Variants in PCDHA9 observed in about 807,000 individuals in gnomAD.
The protein encoded by PCDHA9 is protocadherin alpha 9.
PCDHA9 carries 62 observed loss-of-function variants against 62.0 expected under a neutral mutation model. The observed-to-expected ratio is 1.00, with a 90% CI of 0.81 to 1.23. PCDHA9 has a LOEUF of 1.23. Among genes scored for constraint, PCDHA9 ranks in the 50% most tolerant of loss-of-function variants. The pLI is 0.00. For synonymous variants in PCDHA9, 557 were observed against 567.6 expected, an observed-to-expected ratio of 0.98 and a Z score of 0.27; for missense variants, 1,205 against 1,249.8, an observed-to-expected ratio of 0.96 and a Z score of 0.54.
rs1214693088 is a variant in PCDHA9, at chr5:140,904,196, C to T, written c.2394+53307C>T. Among the ~76,000 whole-genome samples the T allele has an allele frequency of 1.1e-4, 17 of 152,034 alleles. No homozygotes were observed. In the East Asian group the frequency reaches 3.3e-3, roughly 29 times the overall value. On this transcript the variant is annotated intron_variant, in intron 1 of 3. Transcript: ENST00000532602. ...TTCCTCACCCCCTTCCCACCCTTTC[C>T]CCCTAAGTCCCCAAAGTCCATTGTA... is the stretch of plus-strand genomic sequence containing the variant.
chr5:140,928,572 C>T, intron 1 of PCDHA9: 1 of 1,614,200 alleles, frequency 6.2e-7, no homozygotes, highest in Non-Finnish European at 8.5e-7. Flanking sequence ...TTCCCTTGCC[C>T]AGAAATGGTT....
chr5:140,892,534 T>C (rs1554185241), intron 1 of PCDHA9, among the ~76,000 whole-genome samples: 2 of 152,254 alleles, frequency 1.3e-5, no homozygotes, highest in African/African-American at 2.4e-5. Context: ...CTCAGGATTC[T>C]GACTTTTGTT....
At position 140,850,767 on chromosome 5, in the gene PCDHA9, G is replaced by A; in HGVS notation, c.2272G>A (p.Val758Met). 1.3e-6 allele frequency: 2 copies of A among 1,598,126 alleles called. No homozygotes were observed. The highest frequency in any genetic ancestry group is 1.7e-5 in the Admixed American group (1 of 59,258). The change falls in exon 1 of 4, where the codon GTG (valine) becomes ATG (methionine). Residue 758 changes from valine (V) to methionine (M), a missense_variant. This residue lies in a region of PCDHA9 where 887 missense variants were observed against 809.5 expected (regional missense o/e 1.10). Coordinates refer to ENST00000532602, the MANE Select transcript of PCDHA9 (RefSeq NM_031857.2). ...GTACTCGCAGCAGAGGAGGCAGAGG[G>A]TGTGCTCTGGCGAGGGTAAGCAGAA... ...WSYSQQRRQRVCSGEGKQKTD... is the reference protein window; with the variant it reads ...WSYSQQRRQRMCSGEGKQKTD...
chr5:140,908,919 G>A (rs781892541), intron 1 of PCDHA9, among the ~76,000 whole-genome samples: 1 of 152,158 alleles, frequency 6.6e-6, no homozygotes, highest in Non-Finnish European at 1.5e-5. Context: ...TGTAGGAGGG[G>A]CCAAATGCAG....
At chr5:140,854,746 A>G (rs1562496146) in intron 1 of PCDHA9, 1 of 149,836 alleles carries the variant, frequency 6.7e-6, no homozygotes, top group Non-Finnish European at 1.5e-5. Context: ...CAGCACAGAT[A>G]TATTACATTT....
At position 140,849,302 on chromosome 5, in the gene PCDHA9, A is replaced by T; in HGVS notation, c.807A>T (p.Leu269Phe). The T allele has an allele frequency of 2.3e-6, 3 of 1,281,278 alleles. No individual in the cohort carries two copies. Among genetic ancestry groups the T allele is most frequent in the Non-Finnish European group, 3.2e-6 (3 of 936,644 alleles). 79.4% of individuals were successfully genotyped at this position (1,281,278 alleles called of 1,614,324 possible). ...TGATTCACCCCAATGCCTCAGATTT[A>T]GACGAAGGCTTGAATGGGGATATTA... Reference protein sequence around the residue: ...TLVIHPNASDLDEGLNGDIIY... With the variant: ...TLVIHPNASDFDEGLNGDIIY... The change falls in exon 1 of 4, where the codon TTA becomes TTT. Residue 269 changes from leucine (L) to phenylalanine (F), a missense_variant. Physicochemically the swap from Leu to Phe is conservative, Grantham distance 22. Transcript: ENST00000532602.
In PCDHA9 at chr5:140,870,942, G is replaced by A. The variant is rs782286042; in HGVS notation, c.2394+20053G>A. ...GGCTTTCATATGAATTGCAGCCGGC[G>A]GCGGGCGGCTCGCGCATCCCGTTCC... On this transcript the variant is annotated intron_variant, in intron 1 of 3. Transcript: ENST00000532602. The A allele has an allele frequency of 5.0e-6, 8 of 1,613,740 alleles. No individual in the cohort carries two copies. The Admixed American group carries it at 6.7e-5, about 13-fold the overall frequency.
rs1554169144 is a variant in PCDHA9, at chr5:140,876,947, A to T, written c.2394+26058A>T. On this transcript the variant is annotated intron_variant, in intron 1 of 3. Transcript: ENST00000532602. ...GCGCAGAAGAACGCGCTGGTGTCCT[A>T]CTCGCTGGTGGAGCGGCGGGTGGGC... 1 of 1,613,496 alleles carries T rather than the reference A, an allele frequency of 6.2e-7. No homozygotes were observed. The highest frequency in any genetic ancestry group is 8.5e-7 in the Non-Finnish European group (1 of 1,179,858).
chr5:140,865,381 G>A (rs1260895548), intron 1 of PCDHA9: 3 of 152,122 alleles, frequency 2.0e-5, no homozygotes, highest in African/African-American at 7.2e-5. Context: ...TATAGGTAGG[G>A]TAAAGTTAAT....
intron 1 of PCDHA9, among the ~76,000 whole-genome samples, chr5:140,946,255 A>C (rs1554217419): frequency 6.6e-6 from 1 of 152,084 alleles, no homozygotes; most frequent in Non-Finnish European, 1.5e-5. Context: ...GAATCATCAG[A>C]AAAATGCGAA....
chr5:140,862,892 CTT>C (rs1554157185), intron 1 of PCDHA9: 2 of 562,274 alleles, frequency 3.6e-6, no homozygotes, highest in South Asian at 1.4e-5. Flanking sequence ...GGAACGACAA[CTT>C]TGTCTGCGCT....
At chr5:140,925,236 T>C (rs1398147161) in intron 1 of PCDHA9, among the ~76,000 whole-genome samples, 1 of 152,202 alleles carries the variant, frequency 6.6e-6, no homozygotes, top group African/African-American at 2.4e-5. Context: ...TACCAGAAAA[T>C]ATGTCCTGGA....
At chr5:140,854,315 C>A in intron 1 of PCDHA9, 1 of 280,416 alleles carries the variant, frequency 3.6e-6, no homozygotes, top group South Asian at 1.3e-4. Context: ...GATGATTGAT[C>A]AATGGCAAAC....
intron 3 of PCDHA9, among the ~76,000 whole-genome samples, chr5:141,002,832 C>T (rs147080489): frequency 1.2e-4 from 18 of 152,242 alleles, no homozygotes; most frequent in Admixed American, 2.6e-4. Context: ...GTAAATGGCC[C>T]AGGACTATGC....
intron 3 of PCDHA9, among the ~76,000 whole-genome samples, chr5:141,006,287 C>A (rs1407881243): frequency 6.6e-6 from 1 of 152,060 alleles, no homozygotes; most frequent in African/African-American, 2.4e-5. Flanking sequence ...TCTCAGCTCA[C>A]TGCAAGCTCC....
chr5:140,906,575 T>C (rs1443480852), intron 1 of PCDHA9, among the ~76,000 whole-genome samples: 1 of 152,242 alleles, frequency 6.6e-6, no homozygotes, highest in Non-Finnish European at 1.5e-5. Context: ...ATAGCTGGTA[T>C]TGATGACTAC....
At chr5:140,875,597 G>T in intron 1 of PCDHA9, 1 of 1,613,960 alleles carries the variant, frequency 6.2e-7, no homozygotes, top group African/African-American at 1.3e-5. Flanking sequence ...GCCAAACACG[G>T]CACCTTCGTG....
chr5:140,858,350 A>C (rs1160044351), intron 1 of PCDHA9: 1 of 1,594,392 alleles, frequency 6.3e-7, no homozygotes, highest in East Asian at 2.2e-5. Context: ...GGCGGACCTC[A>C]TGGCCTTCAG....
At chr5:140,967,695 T>C (rs782761674) in intron 1 of PCDHA9, 5 of 1,614,184 alleles carry the variant, frequency 3.1e-6, no homozygotes, top group Admixed American at 1.7e-5. Flanking sequence ...CTCTTCAGCA[T>C]AGATGCCAGT....
Sources: allele counts gnomAD v4.1 joint callset (sites outside exome capture counted in the v4.1 genomes callset), GRCh38; gene constraint gnomAD v4.1.1; regional missense constraint gnomAD v4.1.1; transcripts MANE v1.5; gene names NCBI Gene and HGNC (gene_info 2026-07-23, HGNC 2026-07-21).